Variants in L3MBTL4 observed in about 807,000 individuals in gnomAD.
L3MBTL4 encodes the protein L3MBTL histone methyl-lysine binding protein 4, also known as lethal(3)malignant brain tumor-like protein 4.
L3MBTL4 carries 70 observed loss-of-function variants against 84.5 expected under a neutral mutation model. That is an observed-to-expected ratio of 0.83 (90% CI 0.68 to 1.01). The LOEUF (loss-of-function observed/expected upper bound fraction) is 1.01. Among genes scored for constraint, L3MBTL4 ranks in the 50% least tolerant of loss-of-function variants. The probability of loss-of-function intolerance (pLI) is 0.00; values close to 1 mark genes in which losing one functional copy is unlikely to be tolerated. For synonymous variants in L3MBTL4, 274 were observed against 259.8 expected, an observed-to-expected ratio of 1.05 and a Z score of -0.52; for missense variants, 715 against 754.8, an observed-to-expected ratio of 0.95 and a Z score of 0.62.
At chr18:6,093,630 T>C (rs1000243131) in intron 14 of L3MBTL4, 102 bp from the exon 15 acceptor site, 3 of 934,016 alleles carry the variant, frequency 3.2e-6, no homozygotes, top group African/African-American at 1.7e-5. Context: ...AAAAATTGCA[T>C]AGAAACATTC....
chr18:6,319,310 A>G (rs2051283701), intron 1 of L3MBTL4, among the ~76,000 whole-genome samples: 1 of 151,972 alleles, frequency 6.6e-6, no homozygotes, highest in Admixed American at 6.6e-5. Flanking sequence ...CAACAACAAA[A>G]AAGTCGATGA....
At chr18:6,027,895 C>T (rs2055585891) in intron 16 of L3MBTL4, among the ~76,000 whole-genome samples, 2 of 151,636 alleles carry the variant, frequency 1.3e-5, no homozygotes, top group South Asian at 4.2e-4. Context: ...TTGATTTTTT[C>T]TCATAAATTT....
In L3MBTL4 at chr18:6,301,889, T is replaced by A; in HGVS notation, c.127+14A>T. On this transcript the variant is annotated intron_variant, in intron 4 of 18. Coordinates refer to ENST00000317931, the MANE Select transcript of L3MBTL4 (RefSeq NM_001330559.2). Reference sequence around the variant, plus strand: ...TCACTGTGAACTACCACTGTAAATATTGGTGATAATTACCGTGACTCAAAG... The same window carrying A: ...TCACTGTGAACTACCACTGTAAATAATGGTGATAATTACCGTGACTCAAAG... The A allele has an allele frequency of 6.2e-7, 1 of 1,600,616 alleles. No homozygotes were observed. Among genetic ancestry groups the A allele is most frequent in the Non-Finnish European group, 8.6e-7 (1 of 1,167,636 alleles).
chr18:6,024,543 C>A (rs1441216979), intron 16 of L3MBTL4, among the ~76,000 whole-genome samples: 1 of 152,158 alleles, frequency 6.6e-6, no homozygotes, highest in African/African-American at 2.4e-5. Context: ...CTAAAGCCCA[C>A]AAAATATGCA....
At chr18:6,214,236 A>T (rs571958977) in intron 11 of L3MBTL4, among the ~76,000 whole-genome samples, 4 of 152,200 alleles carry the variant, frequency 2.6e-5, no homozygotes, top group African/African-American at 9.6e-5. Flanking sequence ...TAATCCCAGC[A>T]CTTTGGGAGG....
Position 6,306,778 on chromosome 18 carries a change from A to C in L3MBTL4, c.72+4776T>G, listed in dbSNP as rs552889463. ...ACCTTATACTTACTGAAATGGAAAG[A>C]CCCATAAAGTTCTTGCAATCTAAGA... On this transcript the variant is annotated intron_variant, in intron 3 of 18. Coordinates refer to ENST00000317931, the MANE Select transcript of L3MBTL4 (RefSeq NM_001330559.2). Among the ~76,000 whole-genome samples, 5 of 152,304 alleles carry C rather than the reference A, an allele frequency of 3.3e-5. No individual in the cohort carries two copies. The South Asian group carries it at 1.0e-3, about 32-fold the overall frequency.
chr18:6,072,695 CACAAA>C (rs1346811716), intron 16 of L3MBTL4, among the ~76,000 whole-genome samples: 1 of 113,004 alleles, frequency 8.8e-6, no homozygotes, highest in Admixed American at 1.0e-4. Context: ...CACACACACA[CACAAA>C]AAAAAATTAG....
intron 16 of L3MBTL4, among the ~76,000 whole-genome samples, chr18:6,044,822 T>C (rs528756313): frequency 6.6e-5 from 10 of 152,338 alleles, no homozygotes; most frequent in Middle Eastern, 3.4e-3. Flanking sequence ...AGAGTAACTT[T>C]TGTACCTAAA....
intron 4 of L3MBTL4, among the ~76,000 whole-genome samples, chr18:6,289,058 G>A (rs987992119): frequency 2.0e-5 from 3 of 151,906 alleles, no homozygotes; most frequent in African/African-American, 7.2e-5. Context: ...ATCTTATATA[G>A]TAAGTTGTTG....
chr18:6,387,121 A>G (rs1053473861), intron 1 of L3MBTL4, among the ~76,000 whole-genome samples: 22 of 152,168 alleles, frequency 1.4e-4, no homozygotes, highest in Admixed American at 6.5e-5. Context: ...TTGGCAAAAC[A>G]CACACACAAG....
At chr18:5,987,855 T>C (rs1294522936) in intron 16 of L3MBTL4, among the ~76,000 whole-genome samples, 3 of 151,986 alleles carry the variant, frequency 2.0e-5, no homozygotes, top group Non-Finnish European at 4.4e-5. Context: ...TTGCTGTCTT[T>C]GCATGTAGTT....
chr18:6,052,625 G>T (rs1391740504), intron 16 of L3MBTL4, among the ~76,000 whole-genome samples: 1 of 152,172 alleles, frequency 6.6e-6, no homozygotes, highest in Non-Finnish European at 1.5e-5. Context: ...TTTGCCCTTT[G>T]CAGCTGAAAG....
At chr18:6,284,642 C>A (rs1178631689) in intron 4 of L3MBTL4, among the ~76,000 whole-genome samples, 1 of 152,156 alleles carries the variant, frequency 6.6e-6, no homozygotes, top group Non-Finnish European at 1.5e-5. Flanking sequence ...AGGCTCTCCT[C>A]CATGTCATCT....
chr18:6,265,661 G>A (rs1479954586), intron 4 of L3MBTL4, among the ~76,000 whole-genome samples: 1 of 152,122 alleles, frequency 6.6e-6, no homozygotes, highest in East Asian at 1.9e-4. Context: ...CTGCTGTTTT[G>A]TGTCCTTACT....
intron 10 of L3MBTL4, among the ~76,000 whole-genome samples, chr18:6,236,338 T>G (rs1247935831): frequency 6.6e-6 from 1 of 152,214 alleles, no homozygotes; most frequent in Non-Finnish European, 1.5e-5. Context: ...AATAGTCTTT[T>G]GTAACAAATC....
chr18:6,254,135 A>G (rs2048038887), intron 5 of L3MBTL4, among the ~76,000 whole-genome samples: 1 of 152,154 alleles, frequency 6.6e-6, no homozygotes, highest in Non-Finnish European at 1.5e-5. Context: ...CATTTCCCCA[A>G]GGATATTATT....
At chr18:6,103,065 C>T (rs902742226) in intron 14 of L3MBTL4, among the ~76,000 whole-genome samples, 2 of 152,098 alleles carry the variant, frequency 1.3e-5, no homozygotes, top group Admixed American at 6.5e-5. Flanking sequence ...ACACTAATGG[C>T]CTTTACAAAA....
At chr18:6,070,566 C>T (rs1422252246) in intron 16 of L3MBTL4, among the ~76,000 whole-genome samples, 1 of 124,954 alleles carries the variant, frequency 8.0e-6, no homozygotes, top group Non-Finnish European at 1.7e-5. Flanking sequence ...GTGTGTAATC[C>T]CACACTTTGG....
At chr18:6,169,235 T>C (rs2145164901) in intron 13 of L3MBTL4, among the ~76,000 whole-genome samples, 1 of 152,350 alleles carries the variant, frequency 6.6e-6, no homozygotes, top group African/African-American at 2.4e-5. Context: ...TTGGTGGGAC[T>C]GTAAACTAGT....
Sources: gnomAD v4.1 joint callset for allele counts (sites outside exome capture counted in the v4.1 genomes callset) on GRCh38, gnomAD v4.1.1 for gene constraint, MANE v1.5 for transcripts, NCBI Gene and HGNC (gene_info 2026-07-23, HGNC 2026-07-21) for gene names.